The following IGF2R variants were observed in gnomAD, a reference collection of about 807,000 sequenced individuals.
The protein encoded by IGF2R is cation-independent mannose-6-phosphate receptor.
IGF2R carries 91 observed loss-of-function variants against 270.6 expected under a neutral mutation model. That is an observed-to-expected ratio of 0.34 (90% CI 0.28 to 0.40). The LOEUF is 0.40. Ranked by LOEUF, IGF2R falls within the 10% of genes least tolerant of loss-of-function variation. The pLI, the probability that IGF2R is intolerant of heterozygous loss-of-function variation, is 1.00. For missense variants in IGF2R, 2,805 were observed against 3,188.3 expected (o/e 0.88, Z 2.90); for synonymous variants, 1,316 against 1,258.9 (o/e 1.05, Z -0.96).
At chr6:160,090,731 A>G (rs1324643680) in intron 44 of IGF2R, among the ~76,000 whole-genome samples, 1 of 152,274 alleles carries the variant, frequency 6.6e-6, no homozygotes, top group Non-Finnish European at 1.5e-5. Context: ...CTTTAAAAAA[A>G]AATGAAGTGT....
chr6:160,070,155 C>G lies in IGF2R; in HGVS notation c.4443+97C>G, dbSNP rs533873372. The G allele has an allele frequency of 4.6e-5, 55 of 1,195,540 alleles. No individual in the cohort carries two copies. In the South Asian group the frequency reaches 7.0e-4, roughly 15 times the overall value. The allele number at this position is 1,195,540 out of a possible 1,614,324, so 74.1% of individuals were successfully genotyped here. The stretch of plus-strand genomic sequence containing the variant: ...GCACGTCCTCATCTGCCTTGGGATG[C>G]GAGTTCTAGAGCCTGGGATGATGCG... On this transcript the variant is annotated intron_variant, in intron 31 of 47. Transcript: ENST00000356956.
intron 44 of IGF2R, chr6:160,094,050 A>G: frequency 3.6e-6 from 2 of 561,668 alleles, no homozygotes; most frequent in Admixed American, 2.2e-5. Flanking sequence ...CTGGAACTTG[A>G]CAGTCCTCCT....
At position 160,073,481 on chromosome 6, in the gene IGF2R, G is replaced by T; in HGVS notation, c.4947+12G>T. On this transcript the variant is annotated intron_variant, in intron 34 of 47. Transcript: ENST00000356956. ...CCTGCGAGCAAGCGGTGAGTTTTCA[G>T]ATGGGCACGGGAGAAGTGCATGTCC... is the stretch of plus-strand genomic sequence containing the variant. 6.2e-7 allele frequency: 1 copy of T among 1,613,684 alleles called. No individual in the cohort carries two copies. Among genetic ancestry groups the T allele is most frequent in the East Asian group, 2.2e-5 (1 of 44,886 alleles).
In IGF2R at chr6:160,104,902, T is replaced by C; in HGVS notation, c.7294T>C (p.Ser2432Pro). 6.2e-7 allele frequency: 1 copy of C among 1,613,926 alleles called. No homozygotes were observed. Among genetic ancestry groups the C allele is most frequent in the Non-Finnish European group, 8.5e-7 (1 of 1,179,972 alleles). Residue 2432 changes from serine (S) to proline (P), a missense_variant, in exon 48 of 48, where the codon TCC (serine) becomes CCC (proline). Physicochemically the swap from Ser to Pro is moderately conservative, Grantham distance 74. Around this residue, in one of 2 missense-constraint regions of IGF2R, gnomAD observed 1,851 missense variants for 2,207.2 expected, o/e 0.84. Coordinates refer to ENST00000356956, the MANE Select transcript of IGF2R (RefSeq NM_000876.4). ...GGGCAGGGGAGCTGGGGCAGAGAGCTCCCACCCAGTGAGAAACGCACAGAG... is the reference window on the plus strand; with the variant it reads ...GGGCAGGGGAGCTGGGGCAGAGAGCCCCCACCCAGTGAGAAACGCACAGAG... ...HSGRGAGAES[S>P]HPVRNAQSNA...
intron 1 of IGF2R, among the ~76,000 whole-genome samples, 182 bp downstream of exon 1, chr6:159,969,577 G>T (rs945912733): frequency 2.0e-5 from 3 of 152,022 alleles, no homozygotes; most frequent in Admixed American, 2.0e-4. Context: ...GCCGGGTCCC[G>T]TGCGCAGGCG....
chr6:160,087,198 A>C (rs1779113835), intron 41 of IGF2R, among the ~76,000 whole-genome samples: 1 of 152,222 alleles, frequency 6.6e-6, no homozygotes, highest in South Asian at 2.1e-4. Context: ...CTAGAAAACC[A>C]CAGTTGGTTT....
chr6:160,002,463 T>C (rs1461642508), intron 2 of IGF2R, among the ~76,000 whole-genome samples: 1 of 152,200 alleles, frequency 6.6e-6, no homozygotes, highest in East Asian at 1.9e-4. Flanking sequence ...GATCATCATA[T>C]AAAGATCTTC....
rs748874180 is a variant in IGF2R, at chr6:160,062,496, A to T, written c.3583-36A>T. The T allele has an allele frequency of 2.6e-6, 4 of 1,530,582 alleles. No homozygotes were observed. The South Asian group carries it at 4.5e-5, about 17-fold the overall frequency. 94.8% of individuals were successfully genotyped at this position (1,530,582 alleles called of 1,614,324 possible). On this transcript the variant is annotated intron_variant, in intron 25 of 47. Transcript: ENST00000356956. ...CCCATTTGATTAATTTTTAAAATAA[A>T]CAGGAAACAAATCAGGCTGCTGATT... is the stretch of plus-strand genomic sequence containing the variant.
intron 2 of IGF2R, among the ~76,000 whole-genome samples, chr6:159,994,847 G>A (rs1018036709): frequency 6.6e-6 from 1 of 152,140 alleles, no homozygotes; most frequent in Non-Finnish European, 1.5e-5. Flanking sequence ...TACTGAGACT[G>A]TTCTGTGGCC....
intron 1 of IGF2R, among the ~76,000 whole-genome samples, chr6:159,971,629 A>T (rs1783609989): frequency 6.6e-6 from 1 of 152,144 alleles, no homozygotes; most frequent in Admixed American, 6.5e-5. Flanking sequence ...ACATGTGCCA[A>T]GTGAACTTCC....
At chr6:160,043,436 A>G in intron 12 of IGF2R, 148 bp downstream of exon 12, 1 of 905,488 alleles carries the variant, frequency 1.1e-6, no homozygotes, top group South Asian at 1.9e-5. Flanking sequence ...TCATAACTCA[A>G]ATGTCAGTAA....
intron 13 of IGF2R, 37 bp from the exon 14 acceptor site, chr6:160,045,708 C>T (rs377451154): frequency 1.8e-5 from 29 of 1,612,094 alleles, no homozygotes; most frequent in East Asian, 8.9e-5. Flanking sequence ...TAGGAATGAA[C>T]GGATTAGTGA....
intron 44 of IGF2R, chr6:160,093,439 C>A: frequency 2.6e-6 from 1 of 378,946 alleles, no homozygotes; most frequent in Non-Finnish European, 5.0e-6. Context: ...CAGGCCTCCA[C>A]CTTACTGCAC....
At chr6:160,000,001 C>G (rs886438907) in intron 2 of IGF2R, among the ~76,000 whole-genome samples, 3 of 152,112 alleles carry the variant, frequency 2.0e-5, no homozygotes, top group African/African-American at 7.2e-5. Flanking sequence ...AAAAACATTT[C>G]CAGCATGTTT....
At chr6:159,969,939 AAT>A (rs146966761) in intron 1 of IGF2R, among the ~76,000 whole-genome samples, 90 of 149,320 alleles carry the variant, frequency 6.0e-4, no homozygotes, top group Non-Finnish European at 6.7e-4. Context: ...CTCTTTAAAG[AAT>A]ATATATATAT....
intron 1 of IGF2R, among the ~76,000 whole-genome samples, chr6:159,980,164 C>G (rs1349678617): frequency 2.3e-5 from 3 of 128,024 alleles, no homozygotes; most frequent in South Asian, 2.4e-4. Context: ...CTGGGCAACA[C>G]AGTGAGACTC....
rs574859827 is a variant in IGF2R at position 160,109,606 on chromosome 6, G to A, written c.*4522G>A. On this transcript the variant is annotated 3_prime_UTR_variant, in exon 48 of 48. Coordinates refer to ENST00000356956, the MANE Select transcript of IGF2R (RefSeq NM_000876.4). ...GCCAGCTAAGCCTTAGTGCTGTTTC[G>A]GTGTTGACAGCTGTCACAATGATGC... 1 of 152,284 alleles carries A rather than the reference G, an allele frequency of 6.6e-6. No individual in the cohort carries two copies. The highest frequency in any genetic ancestry group is 2.4e-5 in the African/African-American group (1 of 41,546). The allele number at this position is 152,284 out of a possible 1,614,324, so 9.4% of individuals were successfully genotyped here.
chr6:160,075,380 G>T (rs1024616820), intron 35 of IGF2R, among the ~76,000 whole-genome samples: 1 of 152,312 alleles, frequency 6.6e-6, no homozygotes, highest in Admixed American at 6.5e-5. Context: ...TTACTGCTGG[G>T]CCACGTCAGT....
At position 160,001,659 on chromosome 6, in the gene IGF2R, A is replaced by G. The variant is rs114549856; in HGVS notation, c.290-7351A>G. ...TCAATGCTGGTTTAAACAATATTACATTATTTTAAATTGAGGAATCATACA... is the reference window on the plus strand; with the variant it reads ...TCAATGCTGGTTTAAACAATATTACGTTATTTTAAATTGAGGAATCATACA... On this transcript the variant is annotated intron_variant, in intron 2 of 47. Coordinates refer to ENST00000356956, the MANE Select transcript of IGF2R (RefSeq NM_000876.4). 7.4e-3 allele frequency among the ~76,000 whole-genome samples: 1,125 copies of G among 152,272 alleles called. 17 individuals are homozygous for G. Among genetic ancestry groups the G allele is most frequent in the African/African-American group, 0.026 (1,066 of 41,554 alleles).
Sources: allele counts gnomAD v4.1 joint callset (sites outside exome capture counted in the v4.1 genomes callset), GRCh38; gene constraint gnomAD v4.1.1; regional missense constraint gnomAD v4.1.1; transcripts MANE v1.5; gene names NCBI Gene and HGNC (gene_info 2026-07-23, HGNC 2026-07-21).